Variants in ALK observed in about 807,000 individuals in gnomAD.
ALK encodes the protein ALK receptor tyrosine kinase.
A neutral mutation model predicts 163.1 loss-of-function variants in ALK; 74 were observed. The ratio of observed to expected loss-of-function variants is 0.45; its 90% CI spans 0.38 to 0.55. The LOEUF (loss-of-function observed/expected upper bound fraction) is 0.55, where lower values mean the gene tolerates loss of function less well. Ranked by LOEUF, ALK falls within the 20% of genes least tolerant of loss-of-function variation. The pLI is 0.00. For missense variants in ALK, 2,063 were observed against 2,105.3 expected (o/e 0.98, Z 0.39); for synonymous variants, 960 against 843.2 (o/e 1.14, Z -2.40).
chr2:29,429,423 A>G (rs1670222038), intron 4 of ALK, among the ~76,000 whole-genome samples: 1 of 152,078 alleles, frequency 6.6e-6, no homozygotes, highest in Non-Finnish European at 1.5e-5. Flanking sequence ...CCAAAAATCA[A>G]TTATATTTCT....
In ALK at chr2:29,320,892, GAGCA is replaced by G; in HGVS notation, c.1415-14_1415-11del. 2.5e-6 allele frequency: 4 copies of G among 1,614,168 alleles called. No homozygotes were observed. Among genetic ancestry groups the G allele is most frequent in the Non-Finnish European group, 1.7e-6 (2 of 1,180,006 alleles). On this transcript the variant is annotated splice_polypyrimidine_tract_variant and intron_variant, in intron 6 of 28. Transcript: ENST00000389048. Reference sequence around the variant, plus strand: ...CCCACAGGCAGTTTCCCTATGGAGAGAGCAGAGAGGCACCATCATTTTCAGGACC... The same window carrying G: ...CCCACAGGCAGTTTCCCTATGGAGAGGAGAGGCACCATCATTTTCAGGACC...
intron 1 of ALK, among the ~76,000 whole-genome samples, chr2:29,884,071 CTA>C (rs1330393012): frequency 2.0e-5 from 3 of 152,130 alleles, no homozygotes; most frequent in Non-Finnish European, 4.4e-5. Context: ...TAAATCATAA[CTA>C]TGAAATTAAT....
chr2:29,494,757 T>G (rs541470700), intron 4 of ALK, among the ~76,000 whole-genome samples: 1 of 152,136 alleles, frequency 6.6e-6, no homozygotes, highest in Non-Finnish European at 1.5e-5. Context: ...CTTGATGGGT[T>G]TTGCCTCAAG....
At chr2:29,910,438 C>T (rs13031061) in intron 1 of ALK, among the ~76,000 whole-genome samples, 25,432 of 151,936 alleles carry the variant, frequency 0.17, 2,575 homozygotes, top group Admixed American at 0.24. Context: ...GAGCAGAAAA[C>T]AATTTTTTTA....
At chr2:29,283,836 A>G (rs1665777301) in intron 9 of ALK, among the ~76,000 whole-genome samples, 1 of 152,178 alleles carries the variant, frequency 6.6e-6, no homozygotes, top group South Asian at 2.1e-4. Context: ...AAGCAGTGCC[A>G]CAAATGACAT....
intron 24 of ALK, among the ~76,000 whole-genome samples, chr2:29,212,238 C>T (rs562707385): frequency 1.2e-4 from 19 of 152,304 alleles, no homozygotes; most frequent in African/African-American, 4.3e-4. Context: ...AAAGATGACT[C>T]TAACCAAGGA....
intron 4 of ALK, among the ~76,000 whole-genome samples, chr2:29,404,197 G>A (rs1009871741): frequency 5.9e-5 from 9 of 151,838 alleles, no homozygotes; most frequent in Non-Finnish European, 7.4e-5. Flanking sequence ...CCAGCTACTC[G>A]GAAGGTGGAG....
rs1450185085 is a variant in ALK at position 29,227,260 on chromosome 2, C to T, written c.2915-186G>A. Among the ~76,000 whole-genome samples the T allele has an allele frequency of 2.0e-5, 3 of 152,128 alleles. No homozygotes were observed. The highest frequency in any genetic ancestry group is 2.1e-4 in the South Asian group (1 of 4,818). On this transcript the variant is annotated intron_variant, in intron 17 of 28. Coordinates refer to ENST00000389048, the MANE Select transcript of ALK (RefSeq NM_004304.5). This position sits in a 1 kb window ranked among gnomAD's most constrained non-coding sequence, Gnocchi z 4.4. ...CATATAGAGAGTGCAGCGGAGGCAGCGGGCATGGGTGTCTATGGATGTTTG... is the reference window on the plus strand; with the variant it reads ...CATATAGAGAGTGCAGCGGAGGCAGTGGGCATGGGTGTCTATGGATGTTTG...
chr2:29,734,087 A>C (rs1187247038), intron 1 of ALK, among the ~76,000 whole-genome samples: 1 of 152,188 alleles, frequency 6.6e-6, no homozygotes, highest in Non-Finnish European at 1.5e-5. Context: ...TTAGCGGCCC[A>C]ATGAGAGGAC....
chr2:29,469,678 C>T (rs1168515184), intron 4 of ALK, among the ~76,000 whole-genome samples: 1 of 152,166 alleles, frequency 6.6e-6, no homozygotes, highest in Non-Finnish European at 1.5e-5. Flanking sequence ...CATCCCCCAG[C>T]CTCCCAACGA....
chr2:29,230,856 G>A (rs1664179355), intron 15 of ALK, among the ~76,000 whole-genome samples: 1 of 151,976 alleles, frequency 6.6e-6, no homozygotes, highest in Non-Finnish European at 1.5e-5. Flanking sequence ...GTTTGTGCAC[G>A]GCTGTGAGTA....
chr2:29,512,128 T>A (rs1280544111), intron 4 of ALK, among the ~76,000 whole-genome samples: 1 of 152,232 alleles, frequency 6.6e-6, no homozygotes, highest in African/African-American at 2.4e-5. Flanking sequence ...AAAAAGTTTT[T>A]TCTTACCCAA....
chr2:29,727,289 C>T (rs1558461587), intron 1 of ALK, among the ~76,000 whole-genome samples: 1 of 152,196 alleles, frequency 6.6e-6, no homozygotes, highest in Non-Finnish European at 1.5e-5. Flanking sequence ...AACTTCCAGA[C>T]CTTTCAATCC....
chr2:29,722,948 C>G (rs1029307943), intron 1 of ALK, among the ~76,000 whole-genome samples: 2 of 152,208 alleles, frequency 1.3e-5, no homozygotes, highest in Non-Finnish European at 2.9e-5. Flanking sequence ...CACCCCACAT[C>G]AATTCATCAG....
chr2:29,774,226 CCT>C (rs1164613505), intron 1 of ALK, among the ~76,000 whole-genome samples: 1 of 152,142 alleles, frequency 6.6e-6, no homozygotes, highest in Admixed American at 6.5e-5. Context: ...TTTGAAACTC[CCT>C]GACTGACACA....
intron 4 of ALK, among the ~76,000 whole-genome samples, chr2:29,435,983 A>G (rs1670386175): frequency 6.6e-6 from 1 of 152,210 alleles, no homozygotes; most frequent in African/African-American, 2.4e-5. Flanking sequence ...TTTCCTGGAA[A>G]TGAAAGAAAA....
In ALK at chr2:29,220,805, G is replaced by A. The variant is rs2148166624; in HGVS notation, c.3546C>T (p.Cys1182=). The change falls in exon 23 of 29, where the codon TGC becomes TGT. Residue 1182 remains cysteine, a synonymous_variant. Coordinates refer to ENST00000389048, the MANE Select transcript of ALK (RefSeq NM_004304.5). ...GCAGGGATTGCAGGCTCACCCCAATGCAGCGAACAATGTTCTGGTGGTTGA... is the reference window on the plus strand; with the variant it reads ...GCAGGGATTGCAGGCTCACCCCAATACAGCGAACAATGTTCTGGTGGTTGA... ...SKFNHQNIVR[C]IGVSLQSLPR... 1 of 1,614,168 alleles carries A rather than the reference G, an allele frequency of 6.2e-7. No individual in the cohort carries two copies. Among genetic ancestry groups the A allele is most frequent in the Admixed American group, 1.7e-5 (1 of 60,026 alleles).
chr2:29,910,685 T>C (rs770881855), intron 1 of ALK, among the ~76,000 whole-genome samples: 2 of 152,144 alleles, frequency 1.3e-5, no homozygotes, highest in Admixed American at 6.5e-5. Context: ...ATGCAAACCA[T>C]GTAACAATGG....
intron 3 of ALK, among the ~76,000 whole-genome samples, chr2:29,639,400 G>A (rs1676636634): frequency 1.3e-5 from 2 of 152,106 alleles, no homozygotes; most frequent in Non-Finnish European, 2.9e-5. Context: ...CCACAGATAG[G>A]AACCCTCTGC....
Sources: gnomAD v4.1 joint callset for allele counts (sites outside exome capture counted in the v4.1 genomes callset) on GRCh38, gnomAD v4.1.1 for gene constraint, Gnocchi (gnomAD v3.1) non-coding constraint, MANE v1.5 for transcripts, NCBI Gene and HGNC (gene_info 2026-07-23, HGNC 2026-07-21) for gene names.